Variants in INPP4B observed in about 807,000 individuals in gnomAD.
INPP4B encodes the protein inositol polyphosphate 4-phosphatase type II.
Under a neutral mutation model 122.5 loss-of-function variants are expected in INPP4B, and 55 were observed. That is an observed-to-expected ratio of 0.45 (90% CI 0.36 to 0.56). The LOEUF is 0.56. Among genes scored for constraint, INPP4B ranks in the 20% least tolerant of loss-of-function variants. The pLI is 0.00. For missense variants in INPP4B, 1,000 were observed against 1,097.7 expected, an observed-to-expected ratio of 0.91 and a Z score of 1.26; for synonymous variants, 403 against 388.7, an observed-to-expected ratio of 1.04 and a Z score of -0.43.
intron 1 of INPP4B, among the ~76,000 whole-genome samples, chr4:142,780,548 C>T (rs981817428): frequency 3.3e-5 from 5 of 152,086 alleles, no homozygotes; most frequent in African/African-American, 1.2e-4. Context: ...CCTGTAATCC[C>T]AGCACTTTGG....
At chr4:142,207,898 C>T (rs1843220873) in intron 14 of INPP4B, among the ~76,000 whole-genome samples, 1 of 151,990 alleles carries the variant, frequency 6.6e-6, no homozygotes, top group East Asian at 1.9e-4. Flanking sequence ...TCAGAAAAAC[C>T]TATATATTTC....
chr4:142,679,287 GACACAGT>G (rs1758248646), intron 2 of INPP4B, among the ~76,000 whole-genome samples: 1 of 151,868 alleles, frequency 6.6e-6, no homozygotes, highest in South Asian at 2.1e-4. Flanking sequence ...GGCTTGACAA[GACACAGT>G]ACACTTTCTT....
intron 2 of INPP4B, among the ~76,000 whole-genome samples, chr4:142,493,964 T>C (rs1473707949): frequency 3.3e-5 from 5 of 152,184 alleles, no homozygotes; most frequent in Admixed American, 2.6e-4. Context: ...TGGTGAGAGA[T>C]AATCGAATCA....
intron 2 of INPP4B, among the ~76,000 whole-genome samples, chr4:142,562,812 TTCTCA>T (rs1246982383): frequency 2.0e-5 from 3 of 152,184 alleles, no homozygotes; most frequent in Non-Finnish European, 4.4e-5. Flanking sequence ...CCATTCTCTC[TTCTCA>T]TGTTACTTGC....
intron 2 of INPP4B, among the ~76,000 whole-genome samples, chr4:142,649,892 G>T (rs899115318): frequency 5.9e-5 from 9 of 152,164 alleles, no homozygotes; most frequent in Non-Finnish European, 1.0e-4. Context: ...CTCGAGGAGA[G>T]CAACCTCAAG....
chr4:142,337,673 A>ATT (rs1777139681), intron 7 of INPP4B, among the ~76,000 whole-genome samples: 1 of 136,262 alleles, frequency 7.3e-6, no homozygotes, highest in African/African-American at 2.5e-5. Context: ...TCCTTTATTC[A>ATT]TTATATATAT....
rs75421897 is a variant in INPP4B, at chr4:142,328,521, G to C, written c.373-13759C>G. Among the ~76,000 whole-genome samples, 628 of 152,230 alleles carry C rather than the reference G, an allele frequency of 4.1e-3. 7 individuals carry two copies. Among genetic ancestry groups the C allele is most frequent in the African/African-American group, 0.014 (581 of 41,524 alleles). Reference sequence around the variant, plus strand: ...GTTTTCCATATGCTAAAAGACACGAGATATCACAAAAGATTGAATACAGAG... The same window carrying C: ...GTTTTCCATATGCTAAAAGACACGACATATCACAAAAGATTGAATACAGAG... On this transcript the variant is annotated intron_variant, in intron 7 of 25. Coordinates refer to ENST00000262992, the MANE Select transcript of INPP4B (RefSeq NM_001101669.3).
intron 9 of INPP4B, among the ~76,000 whole-genome samples, chr4:142,282,750 A>G (rs1395663897): frequency 6.6e-6 from 1 of 152,082 alleles, no homozygotes; most frequent in Non-Finnish European, 1.5e-5. Flanking sequence ...CTGCTAAGAC[A>G]CTATTATGCA....
At chr4:142,384,083 C>T (rs973871019) in intron 7 of INPP4B, 1 of 701,946 alleles carries the variant, frequency 1.4e-6, no homozygotes, top group African/African-American at 1.7e-5. Flanking sequence ...ACCTCAAGAT[C>T]CACTTATACT....
At chr4:142,629,514 G>A (rs903519635) in intron 2 of INPP4B, among the ~76,000 whole-genome samples, 1 of 152,056 alleles carries the variant, frequency 6.6e-6, no homozygotes, top group Admixed American at 6.6e-5. Flanking sequence ...GCATGAGTGT[G>A]TATGTGTGTG....
chr4:142,142,950 CT>C (rs1489332605), intron 18 of INPP4B, among the ~76,000 whole-genome samples: 1 of 151,998 alleles, frequency 6.6e-6, no homozygotes, highest in African/African-American at 2.4e-5. Context: ...GTAGAACAGA[CT>C]TTTCCCTATC....
chr4:142,309,083 A>G (rs560783220), intron 8 of INPP4B, among the ~76,000 whole-genome samples: 6 of 152,268 alleles, frequency 3.9e-5, no homozygotes, highest in Non-Finnish European at 7.4e-5. Flanking sequence ...AGTTATTGCT[A>G]TGAGAAAATT....
chr4:142,792,097 A>C (rs1234896976), intron 1 of INPP4B, among the ~76,000 whole-genome samples: 2 of 152,020 alleles, frequency 1.3e-5, no homozygotes, highest in Admixed American at 1.3e-4. Flanking sequence ...TAAAAAAATA[A>C]ATTTTAGCTA....
At chr4:142,614,117 G>C (rs1743181549) in intron 2 of INPP4B, among the ~76,000 whole-genome samples, 1 of 152,154 alleles carries the variant, frequency 6.6e-6, no homozygotes, top group South Asian at 2.1e-4. Context: ...AGAACCCACA[G>C]GAGGCTGAGG....
intron 2 of INPP4B, among the ~76,000 whole-genome samples, chr4:142,603,545 C>A (rs1740545461): frequency 6.6e-6 from 1 of 151,304 alleles, no homozygotes; most frequent in African/African-American, 2.4e-5. Flanking sequence ...ACTGATACCA[C>A]AGAAATGAAA....
intron 23 of INPP4B, among the ~76,000 whole-genome samples, chr4:142,106,926 A>G (rs1787424589): frequency 6.6e-6 from 1 of 152,164 alleles, no homozygotes; most frequent in South Asian, 2.1e-4. Context: ...ATTGTAAGTA[A>G]TTTGTTAAAA....
intron 3 of INPP4B, among the ~76,000 whole-genome samples, chr4:142,453,065 T>A (rs1255009831): frequency 1.3e-5 from 2 of 152,186 alleles, no homozygotes; most frequent in Non-Finnish European, 2.9e-5. Context: ...ATACTTTTCT[T>A]CAAACAAACT....
At chr4:142,829,602 A>T (rs1434960129) in intron 1 of INPP4B, among the ~76,000 whole-genome samples, 1 of 152,178 alleles carries the variant, frequency 6.6e-6, no homozygotes, top group African/African-American at 2.4e-5. Flanking sequence ...CACTCCAAAG[A>T]AATGGCAATT....
intron 18 of INPP4B, among the ~76,000 whole-genome samples, chr4:142,127,155 C>T (rs1053617728): frequency 9.2e-5 from 14 of 152,086 alleles, no homozygotes; most frequent in African/African-American, 3.4e-4. Flanking sequence ...TTACTTTGTA[C>T]GCAGTTGTAT....
Sources: gnomAD v4.1 joint callset for allele counts (sites outside exome capture counted in the v4.1 genomes callset) on GRCh38, gnomAD v4.1.1 for gene constraint, MANE v1.5 for transcripts, NCBI Gene and HGNC (gene_info 2026-07-23, HGNC 2026-07-21) for gene names.